The following ZNF521 variants were observed in gnomAD, a reference collection of about 807,000 sequenced individuals.
The protein encoded by ZNF521 is LYST-interacting protein 3.
Under a neutral mutation model 105.5 loss-of-function variants are expected in ZNF521, and 14 were observed. The observed-to-expected ratio is 0.13, with a 90% CI of 0.09 to 0.21. The LOEUF (loss-of-function observed/expected upper bound fraction) is 0.21. ZNF521 is among the 10% of genes least tolerant of loss of function. ZNF521 has a pLI of 1.00. For missense variants in ZNF521, 1,233 were observed against 1,629.7 expected, an observed-to-expected ratio of 0.76 and a Z score of 4.19; for synonymous variants, 635 against 606.0, an observed-to-expected ratio of 1.05 and a Z score of -0.70.
At chr18:25,179,195 C>T (rs1281854867) in intron 5 of ZNF521, among the ~76,000 whole-genome samples, 17 of 120,254 alleles carry the variant, frequency 1.4e-4, no homozygotes, top group Non-Finnish European at 2.6e-4. Context: ...CCTCTATCCC[C>T]CAGGCTGGAG....
rs374529371 is a variant in ZNF521 at position 25,309,306 on chromosome 18, G to T, written c.220+12702C>A. On this transcript the variant is annotated intron_variant, in intron 3 of 7. Coordinates refer to ENST00000361524, the MANE Select transcript of ZNF521 (RefSeq NM_015461.3). ...GAAGGTGATGGTAAGAAATGATTGA[G>T]GTTAGAAGATGGTATTCTTTCTCCC... Among the ~76,000 whole-genome samples the T allele has an allele frequency of 3.9e-5, 6 of 152,322 alleles. No individual in the cohort carries two copies. The East Asian group carries it at 1.2e-3, about 29-fold the overall frequency.
intron 3 of ZNF521, among the ~76,000 whole-genome samples, chr18:25,245,516 GCTTA>G (rs1438336492): frequency 6.6e-6 from 1 of 152,146 alleles, no homozygotes; most frequent in Non-Finnish European, 1.5e-5. Context: ...GAAGAAGGTG[GCTTA>G]CTTGAGACAA....
intron 3 of ZNF521, among the ~76,000 whole-genome samples, chr18:25,309,057 C>A (rs1254366560): frequency 1.3e-5 from 2 of 152,158 alleles, no homozygotes; most frequent in Admixed American, 6.5e-5. Flanking sequence ...TAAAGCAAAG[C>A]ATGGTTCTTT....
chr18:25,099,349 G>A (rs112783942), intron 5 of ZNF521, among the ~76,000 whole-genome samples: 9 of 152,180 alleles, frequency 5.9e-5, no homozygotes, highest in African/African-American at 1.4e-4. Flanking sequence ...ATAACATAGC[G>A]GACTGGCAAA....
intron 4 of ZNF521, among the ~76,000 whole-genome samples, chr18:25,223,262 G>C (rs1905854373): frequency 6.6e-6 from 1 of 152,182 alleles, no homozygotes. Flanking sequence ...GGGGAGAAGG[G>C]GGAAAGTGGC....
At chr18:25,326,323 T>C (rs1600310848) in intron 2 of ZNF521, among the ~76,000 whole-genome samples, 2 of 152,248 alleles carry the variant, frequency 1.3e-5, no homozygotes, top group South Asian at 2.1e-4. Flanking sequence ...TGCCTCAAAA[T>C]GGACCTCCTT....
intron 3 of ZNF521, among the ~76,000 whole-genome samples, chr18:25,300,487 A>T (rs1911575862): frequency 6.6e-6 from 1 of 152,196 alleles, no homozygotes; most frequent in African/African-American, 2.4e-5. Context: ...TATAAACAAG[A>T]GAACAGTCTT....
chr18:25,180,361 T>C (rs1178273152), intron 5 of ZNF521, among the ~76,000 whole-genome samples: 3 of 152,198 alleles, frequency 2.0e-5, no homozygotes, highest in African/African-American at 7.2e-5. Context: ...CATTTCAGCA[T>C]AACAATGCAG....
intron 3 of ZNF521, among the ~76,000 whole-genome samples, chr18:25,301,246 C>T (rs1191925718): frequency 6.6e-6 from 1 of 152,110 alleles, no homozygotes; most frequent in African/African-American, 2.4e-5. Flanking sequence ...GGACTCGGAC[C>T]ATGCAGATAA....
intron 3 of ZNF521, among the ~76,000 whole-genome samples, chr18:25,311,723 T>C (rs1912319984): frequency 6.6e-6 from 1 of 152,230 alleles, no homozygotes; most frequent in African/African-American, 2.4e-5. Context: ...TATTCTCCCA[T>C]GGCTTGTGTT....
chr18:25,169,768 T>C (rs866348304), intron 5 of ZNF521, among the ~76,000 whole-genome samples: 1 of 152,118 alleles, frequency 6.6e-6, no homozygotes, highest in Non-Finnish European at 1.5e-5. Context: ...TGGTGGAATA[T>C]GTTTAAGGTA....
At chr18:25,239,400 AGTCT>A (rs1254988176) in intron 3 of ZNF521, among the ~76,000 whole-genome samples, 4 of 152,226 alleles carry the variant, frequency 2.6e-5, no homozygotes, top group Non-Finnish European at 5.9e-5. Flanking sequence ...TACATGAAAA[AGTCT>A]GTCTGCTAAA....
At chr18:25,274,634 T>C (rs1021491414) in intron 3 of ZNF521, among the ~76,000 whole-genome samples, 1 of 152,196 alleles carries the variant, frequency 6.6e-6, no homozygotes, top group African/African-American at 2.4e-5. Flanking sequence ...AAGTTCAATA[T>C]AGCTGAATCT....
At chr18:25,282,252 G>A (rs1275426630) in intron 3 of ZNF521, among the ~76,000 whole-genome samples, 1 of 152,160 alleles carries the variant, frequency 6.6e-6, no homozygotes, top group Non-Finnish European at 1.5e-5. Flanking sequence ...GGGATGAGGG[G>A]ATCAGCTGCC....
intron 5 of ZNF521, among the ~76,000 whole-genome samples, chr18:25,128,197 T>C (rs1037576566): frequency 6.6e-6 from 1 of 151,720 alleles, no homozygotes; most frequent in Non-Finnish European, 1.5e-5. Flanking sequence ...TAATCTATCA[T>C]GTCAAGAGAC....
chr18:25,279,579 C>T (rs1274794344), intron 3 of ZNF521, among the ~76,000 whole-genome samples: 2 of 152,156 alleles, frequency 1.3e-5, no homozygotes, highest in Non-Finnish European at 2.9e-5. Context: ...AACATAATTT[C>T]AAACAAAAAC....
chr18:25,136,621 G>A (rs1183072236), intron 5 of ZNF521: 2 of 152,268 alleles, frequency 1.3e-5, no homozygotes, highest in African/African-American at 4.8e-5. Flanking sequence ...GCAGGGAGTG[G>A]GAAGAGGGAT....
At chr18:25,318,986 G>A (rs1297445400) in intron 3 of ZNF521, among the ~76,000 whole-genome samples, 1 of 151,778 alleles carries the variant, frequency 6.6e-6, no homozygotes, top group African/African-American at 2.4e-5. Flanking sequence ...AAAAATTGCT[G>A]GCTGATTGCA....
At chr18:25,345,486 A>C (rs1914421597) in intron 2 of ZNF521, 1 of 152,120 alleles carries the variant, frequency 6.6e-6, no homozygotes, top group Non-Finnish European at 1.5e-5. Context: ...TTTTGGCTGG[A>C]TGAATAAAAG....
Sources: gnomAD v4.1 joint callset for allele counts (sites outside exome capture counted in the v4.1 genomes callset) on GRCh38, gnomAD v4.1.1 for gene constraint, MANE v1.5 for transcripts, NCBI Gene and HGNC (gene_info 2026-07-23, HGNC 2026-07-21) for gene names.